Variants in BORCS8 observed in about 807,000 individuals in gnomAD.
BORCS8 encodes the protein BLOC-1 related complex subunit 8.
In BORCS8, 13 loss-of-function variants were observed where a neutral mutation model predicts 18.7. The ratio of observed to expected loss-of-function variants is 0.70; its 90% CI spans 0.45 to 1.11. The LOEUF is 1.11. Among genes scored for constraint, BORCS8 ranks in the 50% least tolerant of loss-of-function variants. The probability of loss-of-function intolerance (pLI) is 0.00; values close to 1 mark genes in which losing one functional copy is unlikely to be tolerated. For synonymous variants in BORCS8, 68 were observed against 64.8 expected (o/e 1.05, Z -0.24); for missense variants, 165 against 165.7 (o/e 1.00, Z 0.02).
intron 1 of BORCS8, among the ~76,000 whole-genome samples, chr19:19,191,808 C>G (rs1225537790): frequency 6.6e-6 from 1 of 152,146 alleles, no homozygotes; most frequent in Non-Finnish European, 1.5e-5. Flanking sequence ...CGGGCTCAAG[C>G]GATCCTCCCG....
chr19:19,186,117 A>C lies in BORCS8; in HGVS notation c.151-19T>G. 4 of 1,551,226 alleles carry C rather than the reference A, an allele frequency of 2.6e-6. No homozygotes were observed. Among genetic ancestry groups the C allele is most frequent in the Non-Finnish European group, 3.5e-6 (4 of 1,146,846 alleles). ...TGTCTGCCTGTAGGGGGCGCAGGAG[A>C]TATTTGGCAAGGGAGGCCACCCCCA... On this transcript the variant is annotated intron_variant, in intron 2 of 5. Transcript: ENST00000462790.
Position 19,186,065 on chromosome 19 carries a change from C to T in BORCS8, c.184G>A (p.Gly62Arg). Residue 62 changes from glycine to arginine, a missense_variant, in exon 3 of 6, where the codon GGA becomes AGA. Gly to Arg is a moderately radical substitution (Grantham distance 125). Transcript: ENST00000462790. ...DMQRWEEQSQ[G>R]AIYTVEYACS... ...GCGTACTCCACAGTGTAGATGGCTC[C>T]CTGGCTCTGCTCCTCCCAACGCTGC... 4 of 1,550,528 alleles carry T rather than the reference C, an allele frequency of 2.6e-6. No homozygotes were observed. The highest frequency in any genetic ancestry group is 1.2e-5 in the South Asian group (1 of 83,928).
rs374533572 is a variant in BORCS8, at chr19:19,181,384, A to G, written c.327-623T>C. Among the ~76,000 whole-genome samples the G allele has an allele frequency of 4.3e-4, 66 of 152,298 alleles. 1 individual carries two copies. Among genetic ancestry groups the G allele is most frequent in the South Asian group, 2.1e-3 (10 of 4,832 alleles). ...TTTTAAAAGTGGGACAAGGCACTCC[A>G]GAGGCCACGTCTGCAACTCACTCAC... is the stretch of plus-strand genomic sequence containing the variant. On this transcript the variant is annotated intron_variant, in intron 4 of 5. Coordinates refer to ENST00000462790, the MANE Select transcript of BORCS8 (RefSeq NM_001145784.2).
intron 1 of BORCS8, among the ~76,000 whole-genome samples, chr19:19,190,915 T>C (rs1328658054): frequency 2.0e-5 from 3 of 151,666 alleles, no homozygotes; most frequent in African/African-American, 7.3e-5. Context: ...GGATGGAAAA[T>C]AGGAAAAAAA....
At chr19:19,177,693 GAAGAGAAAAGAAAAGA>G (rs1315481984) in intron 5 of BORCS8, 3,474 of 36,896 alleles carry the variant, frequency 0.094, 139 homozygotes, top group Non-Finnish European at 0.13. Flanking sequence ...AGGAAGGAAG[GAAGAGAAAAGAAAAGA>G]AAAGAAAAGA....
chr19:19,190,783 C>T (rs892409034), intron 1 of BORCS8, among the ~76,000 whole-genome samples: 2 of 151,708 alleles, frequency 1.3e-5, no homozygotes, highest in African/African-American at 2.4e-5. Context: ...AGCAAAACTC[C>T]GTCTCAAATA....
At position 19,192,046 on chromosome 19, in the gene BORCS8, CG is replaced by C. The variant is rs753067169; in HGVS notation, c.37+34del. The C allele has an allele frequency of 2.5e-5, 39 of 1,550,220 alleles. No homozygotes were observed. In the African/African-American group the frequency reaches 4.5e-4, roughly 18 times the overall value. On this transcript the variant is annotated intron_variant, in intron 1 of 5. Coordinates refer to ENST00000462790, the MANE Select transcript of BORCS8 (RefSeq NM_001145784.2). ...GTCAGGCCGCCCCTCCACAAGTTAC[CG>C]GCCCCCTCTGTCCCGCCCGCAGGCC...
chr19:19,183,046 C>G (rs1044237658), intron 3 of BORCS8, among the ~76,000 whole-genome samples: 5 of 152,176 alleles, frequency 3.3e-5, no homozygotes, highest in Admixed American at 3.3e-4. Context: ...GAGGCCAAGG[C>G]AAGAGGATGG....
intron 5 of BORCS8, chr19:19,180,465 G>A: frequency 1.7e-6 from 1 of 587,448 alleles, no homozygotes; most frequent in South Asian, 2.0e-5. Flanking sequence ...GGAAGGTGGT[G>A]GAGAGAGAGT....
chr19:19,191,456 C>T (rs554811217), intron 1 of BORCS8, among the ~76,000 whole-genome samples: 49 of 150,008 alleles, frequency 3.3e-4, no homozygotes, highest in African/African-American at 1.0e-3. Flanking sequence ...CGCGCCACCG[C>T]ACCCCAGCCT....
intron 4 of BORCS8, 66 bp from the exon 5 acceptor site, chr19:19,180,827 C>T: frequency 6.8e-7 from 1 of 1,470,350 alleles, no homozygotes; most frequent in South Asian, 1.4e-5. Context: ...GCTCAGCTGG[C>T]TGGAGTGTAT....
chr19:19,186,516 G>A (rs1249783357), intron 2 of BORCS8, among the ~76,000 whole-genome samples: 2 of 152,172 alleles, frequency 1.3e-5, no homozygotes, highest in Non-Finnish European at 2.9e-5. Context: ...TGATAAGTGA[G>A]TTCTCACGAG....
intron 3 of BORCS8, among the ~76,000 whole-genome samples, chr19:19,184,802 G>T (rs2060390302): frequency 6.6e-6 from 1 of 151,920 alleles, no homozygotes; most frequent in African/African-American, 2.4e-5. Flanking sequence ...GTTTCACCAG[G>T]TTGCCCAGAC....
chr19:19,180,113 G>A lies in BORCS8; in HGVS notation c.*42+573C>T, dbSNP rs527572241. On this transcript the variant is annotated intron_variant, in intron 5 of 5. Transcript: ENST00000462790. ...CTGGGGCTGTAAACCACTGTTTTGG[G>A]ATGCTGTGTTATGCAGCAATAGCCG... The A allele has an allele frequency of 9.8e-4, 153 of 156,726 alleles. 1 individual carries two copies. The highest frequency in any genetic ancestry group is 3.4e-3 in the African/African-American group (141 of 41,586). The allele number at this position is 156,726 out of a possible 1,614,324, so 9.7% of individuals were successfully genotyped here.
At chr19:19,187,062 C>T (rs1230117878) in intron 1 of BORCS8, 57 bp from the exon 2 acceptor site, 2 of 1,373,330 alleles carry the variant, frequency 1.5e-6, no homozygotes, top group African/African-American at 1.4e-5. Flanking sequence ...TCAGCCTCCT[C>T]ATTGCTCAAG....
intron 4 of BORCS8, among the ~76,000 whole-genome samples, chr19:19,181,092 G>C (rs577119068): frequency 6.6e-6 from 1 of 152,166 alleles, no homozygotes; most frequent in Non-Finnish European, 1.5e-5. Context: ...CTACTCGAGA[G>C]GCTGAGGCAC....
At chr19:19,187,064 T>C (rs959533671) in intron 1 of BORCS8, 59 bp from the exon 2 acceptor site, 11 of 1,351,898 alleles carry the variant, frequency 8.1e-6, no homozygotes, top group Middle Eastern at 1.8e-4. Context: ...AGCCTCCTCA[T>C]TGCTCAAGTG....
Position 19,182,802 on chromosome 19 carries a change from C to T in BORCS8, c.216-119G>A, listed in dbSNP as rs576834975. On this transcript the variant is annotated intron_variant, in intron 3 of 5. Transcript: ENST00000462790. The surrounding 1 kb of genome is among the most constrained non-coding windows in gnomAD (Gnocchi z 4.1). ...TACCTCAGTGATTCTGCGGGCTTCC[C>T]GAAGGACTCACAGTGGGCTTACATT... The T allele has an allele frequency of 1.5e-5, 20 of 1,322,954 alleles. No individual in the cohort carries two copies. Among genetic ancestry groups the T allele is most frequent in the South Asian group, 6.3e-5 (4 of 63,970 alleles). 82.0% of individuals were successfully genotyped at this position (1,322,954 alleles called of 1,614,324 possible). A position where few individuals can be genotyped will look rare whatever the true frequency, so the allele number is the denominator to read the frequency against.
At position 19,182,626 on chromosome 19, in the gene BORCS8, G is replaced by A; in HGVS notation, c.273C>T (p.Leu91=). Residue 91 remains leucine (L), a synonymous_variant, in exon 4 of 6, where the codon CTC becomes CTT. Transcript: ENST00000462790. The surrounding 1 kb of genome is among the most constrained non-coding windows in gnomAD (Gnocchi z 4.1). ...GGTCCCGGATGCTGATGGCCTGTTT[G>A]AGCAGACCCTCCACGCTGCGGAAGT... The part of the protein sequence containing the change: ...SVYFRSVEGL[L]KQAISIRDHM... 1 of 1,551,338 alleles carries A rather than the reference G, an allele frequency of 6.4e-7. No homozygotes were observed. The highest frequency in any genetic ancestry group is 8.7e-7 in the Non-Finnish European group (1 of 1,146,940).
Sources: gnomAD v4.1 joint callset for allele counts (sites outside exome capture counted in the v4.1 genomes callset) on GRCh38, gnomAD v4.1.1 for gene constraint, Gnocchi (gnomAD v3.1) non-coding constraint, MANE v1.5 for transcripts, NCBI Gene and HGNC (gene_info 2026-07-23, HGNC 2026-07-21) for gene names.